GALNT13: variants seen among roughly 807,000 people sequenced by gnomAD.
GALNT13 encodes polypeptide N-acetylgalactosaminyltransferase 13, also known as UDP-GalNAc:polypeptide N-acetylgalactosaminyltransferase 13.
A neutral mutation model predicts 64.2 loss-of-function variants in GALNT13; 28 were observed. The ratio of observed to expected loss-of-function variants is 0.44; its 90% confidence interval spans 0.32 to 0.60. GALNT13 has a LOEUF of 0.60. Among genes scored for constraint, GALNT13 ranks in the 20% least tolerant of loss-of-function variants. The probability of loss-of-function intolerance (pLI) is 0.05; values close to 1 mark genes in which losing one functional copy is unlikely to be tolerated. For synonymous variants in GALNT13, 214 were observed against 224.6 expected (o/e 0.95, Z 0.42); for missense variants, 577 against 669.8 (o/e 0.86, Z 1.53).
chr2:154,289,311 G>A (rs1692465403), intron 8 of GALNT13, among the ~76,000 whole-genome samples: 1 of 152,170 alleles, frequency 6.6e-6, no homozygotes, highest in Admixed American at 6.5e-5. Context: ...CTCCAGGCTT[G>A]TGATGGTACC....
chr2:153,118,108 A>AACAT, the GALNT13 span, among the ~76,000 whole-genome samples: 3 of 12,782 alleles, frequency 2.3e-4, no homozygotes, highest in Non-Finnish European at 6.2e-4. Context: ...ACTATGTACC[A>AACAT]ACACACACAC....
chr2:153,175,694 G>T, the GALNT13 span, among the ~76,000 whole-genome samples: 29 of 152,196 alleles, frequency 1.9e-4, no homozygotes, highest in Admixed American at 2.0e-4. Flanking sequence ...GCAGAACAAT[G>T]CTCCCTAGTA....
chr2:153,918,697 T>C (rs552895015), intron 2 of GALNT13, among the ~76,000 whole-genome samples: 1 of 152,296 alleles, frequency 6.6e-6, no homozygotes, highest in Non-Finnish European at 1.5e-5. Context: ...ATAGTTCAAA[T>C]GAATATTTTC....
intron 3 of GALNT13, among the ~76,000 whole-genome samples, chr2:154,044,073 AAAAAAT>A (rs1179921993): frequency 1.1e-5 from 1 of 93,190 alleles, no homozygotes; most frequent in Non-Finnish European, 3.1e-5. Flanking sequence ...CTCTGTCTCA[AAAAAAT>A]AAAAAATAAA....
intron 3 of GALNT13, among the ~76,000 whole-genome samples, chr2:154,114,279 C>T (rs1355487550): frequency 3.0e-4 from 45 of 152,146 alleles, no homozygotes; most frequent in Admixed American, 2.9e-3. Flanking sequence ...CTGCCAGCTG[C>T]TAAATATGTC....
chr2:153,550,656 T>A, the GALNT13 span, among the ~76,000 whole-genome samples: 1 of 152,230 alleles, frequency 6.6e-6, no homozygotes, highest in African/African-American at 2.4e-5. Flanking sequence ...GAGTGCCTAC[T>A]AAGTATAATG....
chr2:153,226,061 G>A, the GALNT13 span, among the ~76,000 whole-genome samples: 1 of 151,798 alleles, frequency 6.6e-6, no homozygotes, highest in African/African-American at 2.4e-5. Context: ...AGCCTCCTTA[G>A]TAGTAGCTGG....
chr2:153,351,450 A>G, the GALNT13 span, among the ~76,000 whole-genome samples: 1 of 152,190 alleles, frequency 6.6e-6, no homozygotes, highest in Non-Finnish European at 1.5e-5. Context: ...ATAACTGAGG[A>G]ACCTACGTTG....
At chr2:154,015,153 G>GTACTTCTTTTCTAA (rs1161680619) in intron 3 of GALNT13, among the ~76,000 whole-genome samples, 1 of 151,990 alleles carries the variant, frequency 6.6e-6, no homozygotes, top group Non-Finnish European at 1.5e-5. Flanking sequence ...AAAAGATATG[G>GTACTTCTTTTCTAA]TACTTCTTTT....
At chr2:154,285,011 G>A (rs1014100359) in intron 8 of GALNT13, among the ~76,000 whole-genome samples, 2 of 152,004 alleles carry the variant, frequency 1.3e-5, no homozygotes, top group African/African-American at 4.8e-5. Flanking sequence ...AGATGTTAGT[G>A]ATTCATATCT....
the GALNT13 span, among the ~76,000 whole-genome samples, chr2:153,794,306 G>A: frequency 9.0e-4 from 137 of 151,998 alleles, no homozygotes; most frequent in African/African-American, 3.2e-3. Context: ...TTTAATTTAG[G>A]AAATTTTACT....
chr2:153,801,717 T>C, the GALNT13 span, among the ~76,000 whole-genome samples: 3 of 152,076 alleles, frequency 2.0e-5, no homozygotes, highest in Non-Finnish European at 4.4e-5. Context: ...TGAGCACCCA[T>C]TGTTGGAAAA....
chr2:153,427,759 C>T, the GALNT13 span, among the ~76,000 whole-genome samples: 40,889 of 152,046 alleles, frequency 0.27, 7,109 homozygotes, highest in Non-Finnish European at 0.39. Flanking sequence ...TCAGCACTTC[C>T]TACTTCTAGC....
At chr2:154,146,480 A>T (rs887928560) in intron 4 of GALNT13, among the ~76,000 whole-genome samples, 14 of 152,100 alleles carry the variant, frequency 9.2e-5, no homozygotes, top group African/African-American at 3.4e-4. Context: ...GACAATTTTA[A>T]CTATTTTAAA....
chr2:154,172,172 T>C (rs570637004), intron 4 of GALNT13, among the ~76,000 whole-genome samples: 1 of 152,176 alleles, frequency 6.6e-6, no homozygotes, highest in East Asian at 1.9e-4. Context: ...AACTTATTTT[T>C]ATTTTTTACA....
At chr2:153,741,651 T>C in the GALNT13 span, among the ~76,000 whole-genome samples, 2 of 152,094 alleles carry the variant, frequency 1.3e-5, no homozygotes, top group Non-Finnish European at 2.9e-5. Context: ...GTTGCTACTG[T>C]ATACCACTTG....
the GALNT13 span, among the ~76,000 whole-genome samples, chr2:153,597,661 G>A: frequency 6.6e-6 from 1 of 151,992 alleles, no homozygotes; most frequent in African/African-American, 2.4e-5. Flanking sequence ...AAATTATGCT[G>A]CAAATGATAC....
At chr2:153,709,578 T>C in the GALNT13 span, among the ~76,000 whole-genome samples, 1 of 152,028 alleles carries the variant, frequency 6.6e-6, no homozygotes, top group South Asian at 2.1e-4. Flanking sequence ...GAAAACTGTA[T>C]GGAAGTAACT....
chr2:153,877,298 A>G (rs1405945379), intron 1 of GALNT13, among the ~76,000 whole-genome samples: 1 of 152,154 alleles, frequency 6.6e-6, no homozygotes, highest in Non-Finnish European at 1.5e-5. Flanking sequence ...TCTGTTTCAT[A>G]TATTCCACTA....
Sources: allele counts gnomAD v4.1 joint callset (sites outside exome capture counted in the v4.1 genomes callset), GRCh38; gene constraint gnomAD v4.1.1; transcripts MANE v1.5; gene names NCBI Gene and HGNC (gene_info 2026-07-23, HGNC 2026-07-21).